Variants in OCA2 observed in about 807,000 individuals in gnomAD.
OCA2 encodes the protein OCA2 melanosomal transmembrane protein, also known as P protein.
OCA2 carries 77 observed loss-of-function variants against 100.2 expected under a neutral mutation model. That is an observed-to-expected ratio of 0.77 (90% CI 0.64 to 0.93). The LOEUF (loss-of-function observed/expected upper bound fraction) is 0.93, where lower values mean the gene tolerates loss of function less well. Ranked by LOEUF, OCA2 falls within the 40% of genes least tolerant of loss-of-function variation. The pLI is 0.00. For missense variants in OCA2, 1,062 were observed against 1,089.1 expected, an observed-to-expected ratio of 0.98 and a Z score of 0.35; for synonymous variants, 432 against 439.2, an observed-to-expected ratio of 0.98 and a Z score of 0.21.
At chr15:27,870,769 GGAAAGAAAGAAAGAAAGAAAAA>G (rs1480867526) in intron 21 of OCA2, among the ~76,000 whole-genome samples, 2 of 142,414 alleles carry the variant, frequency 1.4e-5, no homozygotes, top group African/African-American at 2.8e-5. Flanking sequence ...AAGACAGAAA[GGAAAGAAAGAAAGAAAGAAAAA>G]GAAAGAAAGA....
At chr15:27,860,131 GA>G (rs2036078144) in intron 21 of OCA2, among the ~76,000 whole-genome samples, 1 of 152,026 alleles carries the variant, frequency 6.6e-6, no homozygotes, top group African/African-American at 2.4e-5. Context: ...GTGTTATGGG[GA>G]AAAAAATAAA....
At chr15:27,930,867 T>C (rs1477042366) in intron 18 of OCA2, among the ~76,000 whole-genome samples, 1 of 152,102 alleles carries the variant, frequency 6.6e-6, no homozygotes, top group Non-Finnish European at 1.5e-5. Context: ...TATTTTTTGC[T>C]GTCTCCAGTA....
At chr15:27,958,201 A>G (rs75955859) in intron 15 of OCA2, among the ~76,000 whole-genome samples, 1 of 151,008 alleles carries the variant, frequency 6.6e-6, no homozygotes, top group South Asian at 2.1e-4. Context: ...AAAGTGTAAT[A>G]AAAAAAAAAT....
intron 15 of OCA2, among the ~76,000 whole-genome samples, chr15:27,965,797 G>C (rs947897273): frequency 1.3e-5 from 2 of 152,216 alleles, no homozygotes; most frequent in Non-Finnish European, 2.9e-5. Context: ...GCTCGTCAAG[G>C]AAAGGCTGCT....
intron 2 of OCA2, among the ~76,000 whole-genome samples, chr15:28,051,122 A>G (rs1044332709): frequency 6.6e-6 from 1 of 152,164 alleles, no homozygotes; most frequent in Non-Finnish European, 1.5e-5. Context: ...GATGTGTTGA[A>G]GCAAGGGGGC....
rs112019581 is a variant in OCA2 at position 27,853,581 on chromosome 15, GA to G, written c.2245-2107del. ...TAAAACTTAAAGTATAATAATAAAA[GA>G]AAAAAAAAAAAAGAAATTTGTGTTC... On this transcript the variant is annotated intron_variant, in intron 21 of 23. Transcript: ENST00000354638. Among the ~76,000 whole-genome samples the G allele has an allele frequency of 2.5e-3, 346 of 136,560 alleles. 1 individual carries two copies. The highest frequency in any genetic ancestry group is 0.011 in the Middle Eastern group (3 of 264). The allele number at this position is 136,560 out of a possible 152,430, so 89.6% of individuals were successfully genotyped here.
At chr15:27,797,799 G>A (rs1430968589) in intron 23 of OCA2, among the ~76,000 whole-genome samples, 3 of 152,148 alleles carry the variant, frequency 2.0e-5, no homozygotes, top group East Asian at 1.9e-4. Flanking sequence ...GAGGAGTAAC[G>A]GGAAACACAG....
intron 23 of OCA2, among the ~76,000 whole-genome samples, chr15:27,828,243 C>G (rs144708964): frequency 3.3e-5 from 5 of 152,326 alleles, no homozygotes; most frequent in Non-Finnish European, 7.3e-5. Flanking sequence ...AGGGCTCGCT[C>G]TTGGCCAGCT....
chr15:28,089,432 T>G (rs2044835243), intron 1 of OCA2, among the ~76,000 whole-genome samples: 2 of 152,178 alleles, frequency 1.3e-5, no homozygotes, highest in Admixed American at 1.3e-4. Flanking sequence ...AAGACAGGTG[T>G]AAGAAATTAT....
chr15:28,031,008 C>A (rs749989904), intron 3 of OCA2, among the ~76,000 whole-genome samples: 2 of 152,136 alleles, frequency 1.3e-5, no homozygotes, highest in Non-Finnish European at 2.9e-5. Flanking sequence ...AGATTAACTT[C>A]CTTCTTTCTT....
chr15:27,947,814 G>A (rs1049240571), intron 18 of OCA2, among the ~76,000 whole-genome samples: 7 of 151,414 alleles, frequency 4.6e-5, no homozygotes, highest in South Asian at 4.3e-4. Context: ...AGGCCAGCAC[G>A]CTGGGGCAGT....
chr15:27,774,858 C>G (rs899304624), intron 23 of OCA2, among the ~76,000 whole-genome samples: 1 of 152,124 alleles, frequency 6.6e-6, no homozygotes, highest in African/African-American at 2.4e-5. Context: ...GAGAGAGGCT[C>G]AGGAGAACCA....
At chr15:27,981,487 G>C (rs757826045) in intron 14 of OCA2, among the ~76,000 whole-genome samples, 3 of 152,200 alleles carry the variant, frequency 2.0e-5, no homozygotes, top group Non-Finnish European at 4.4e-5. Context: ...CTTAGAAACA[G>C]TTTGGTTCTT....
At chr15:27,942,604 C>T (rs1285739273) in intron 18 of OCA2, among the ~76,000 whole-genome samples, 1 of 152,024 alleles carries the variant, frequency 6.6e-6, no homozygotes, top group Non-Finnish European at 1.5e-5. Flanking sequence ...GGTTGTACAA[C>T]TTTGTGAATA....
intron 9 of OCA2, among the ~76,000 whole-genome samples, chr15:28,003,839 C>T (rs892483912): frequency 6.6e-6 from 1 of 152,214 alleles, no homozygotes; most frequent in Admixed American, 6.5e-5. Flanking sequence ...CTTCCAAGGG[C>T]CACCCCACGA....
chr15:27,723,916 A>G, the OCA2 span, among the ~76,000 whole-genome samples: 2 of 151,830 alleles, frequency 1.3e-5, no homozygotes, highest in Non-Finnish European at 2.9e-5. Flanking sequence ...TGCGTGCACA[A>G]CCTCCTCCTC....
the OCA2 span, among the ~76,000 whole-genome samples, chr15:27,734,372 A>G: frequency 4.9e-4 from 75 of 151,808 alleles, 2 homozygotes; most frequent in Non-Finnish European, 1.3e-4. Flanking sequence ...AAGGGTAGGA[A>G]GGACAGTTTT....
chr15:27,754,034 C>T (rs1566935645), downstream of OCA2, among the ~76,000 whole-genome samples: 1 of 152,066 alleles, frequency 6.6e-6, no homozygotes, highest in Admixed American at 6.6e-5. Flanking sequence ...AAAGTACGGG[C>T]AGCACGGGAG....
intron 11 of OCA2, among the ~76,000 whole-genome samples, chr15:27,987,555 T>TAA (rs34819807): frequency 1.5e-3 from 218 of 140,658 alleles, no homozygotes; most frequent in African/African-American, 1.9e-3. Flanking sequence ...CCATCTCTAC[T>TAA]AAAAAAAAAA....
Sources: gnomAD v4.1 joint callset for allele counts (sites outside exome capture counted in the v4.1 genomes callset) on GRCh38, gnomAD v4.1.1 for gene constraint, MANE v1.5 for transcripts, NCBI Gene and HGNC (gene_info 2026-07-23, HGNC 2026-07-21) for gene names.